The following NEXMIF variants were observed in gnomAD, a reference collection of about 807,000 sequenced individuals.
NEXMIF encodes the protein neurite extension and migration factor, also known as XLMR protein related to neurite extension.
Under a neutral mutation model 62.1 loss-of-function variants are expected in NEXMIF, and 8 were observed. The ratio of observed to expected loss-of-function variants is 0.13; its 90% CI spans 0.08 to 0.23. The LOEUF (loss-of-function observed/expected upper bound fraction) is 0.23, where lower values mean the gene tolerates loss of function less well. Ranked by LOEUF, NEXMIF falls within the 10% of genes least tolerant of loss-of-function variation. The probability of loss-of-function intolerance (pLI) is 1.00; values close to 1 mark genes in which losing one functional copy is unlikely to be tolerated. For missense variants in NEXMIF, 976 were observed against 1,113.3 expected (o/e 0.88, Z 1.75); for synonymous variants, 404 against 416.6 (o/e 0.97, Z 0.37).
intron 1 of NEXMIF, among the ~76,000 whole-genome samples, chrX:74,875,397 G>C (rs1005853410): frequency 5.4e-5 from 6 of 111,712 alleles, no homozygotes; most frequent in African/African-American, 1.9e-4. Flanking sequence ...TTGGTTTGCT[G>C]GTATTTTATT....
intron 1 of NEXMIF, among the ~76,000 whole-genome samples, chrX:74,879,142 T>C: frequency 8.9e-6 from 1 of 112,552 alleles, no homozygotes; most frequent in East Asian, 2.8e-4. Flanking sequence ...CTATACCACA[T>C]AGCCTAAGTG....
intron 1 of NEXMIF, among the ~76,000 whole-genome samples, chrX:74,833,828 T>G (rs1001819910): frequency 4.5e-5 from 5 of 111,371 alleles, no homozygotes; most frequent in African/African-American, 1.6e-4. Flanking sequence ...TAACACTGAT[T>G]ACGTAAACAA....
At chrX:74,850,650 T>C (rs2080509741) in intron 1 of NEXMIF, among the ~76,000 whole-genome samples, 1 of 111,179 alleles carries the variant, frequency 9.0e-6, no homozygotes, top group Admixed American at 9.6e-5. Context: ...GAATACACTA[T>C]TGCACGTACC....
At chrX:74,891,652 A>G (rs2080718198) in intron 1 of NEXMIF, among the ~76,000 whole-genome samples, 1 of 111,855 alleles carries the variant, frequency 8.9e-6, no homozygotes, top group Non-Finnish European at 1.9e-5. Context: ...TTTAACTTAA[A>G]TTAGGGGGTG....
At chrX:74,920,471 T>G in intron 1 of NEXMIF, among the ~76,000 whole-genome samples, 1 of 110,861 alleles carries the variant, frequency 9.0e-6, no homozygotes, top group South Asian at 3.9e-4. Context: ...TTTGATGGGG[T>G]TGTTTGTTTT....
At chrX:74,906,039 G>A (rs956771168) in intron 1 of NEXMIF, among the ~76,000 whole-genome samples, 12 of 110,541 alleles carry the variant, frequency 1.1e-4, no homozygotes, top group African/African-American at 2.3e-4. Context: ...GGAGGCTGAC[G>A]TGGAAGGATT....
chrX:74,822,498 A>T, intron 1 of NEXMIF, among the ~76,000 whole-genome samples: 1 of 112,459 alleles, frequency 8.9e-6, no homozygotes, highest in Admixed American at 9.4e-5. Flanking sequence ...ATATCTGATA[A>T]GGAACATGTA....
intron 1 of NEXMIF, among the ~76,000 whole-genome samples, chrX:74,880,085 T>A (rs997050085): frequency 8.9e-6 from 1 of 112,293 alleles, no homozygotes; most frequent in Non-Finnish European, 1.9e-5. Context: ...GGCTCAACCA[T>A]ACCTCCTGAC....
At chrX:74,882,925 C>A (rs2080672299) in intron 1 of NEXMIF, among the ~76,000 whole-genome samples, 1 of 111,254 alleles carries the variant, frequency 9.0e-6, no homozygotes, top group South Asian at 3.8e-4. Context: ...CCTCACACAA[C>A]TGGGTACTCC....
At position 74,744,381 on chromosome X, in the gene NEXMIF, A is replaced by C; in HGVS notation, c.176T>G (p.Met59Arg). 2 of 1,209,587 alleles carry C rather than the reference A, an allele frequency of 1.7e-6. No homozygotes were observed. The highest frequency in any genetic ancestry group is 1.8e-5 in the South Asian group (1 of 56,834). The change falls in exon 3 of 4, where the codon ATG (methionine) becomes AGG (arginine). Residue 59 changes from methionine to arginine, a missense_variant. By Grantham distance (91) the Met-to-Arg change is moderately conservative (BLOSUM62 -1). Coordinates refer to ENST00000055682, the MANE Select transcript of NEXMIF (RefSeq NM_001008537.3). Reference sequence around the variant, plus strand: ...TAGAGGCAGGAGACCTCTGGGATACATCAGGGTCTCTTTTTGTGCCACCGG... The same window carrying C: ...TAGAGGCAGGAGACCTCTGGGATACCTCAGGGTCTCTTTTTGTGCCACCGG... ...PTPVAQKETL[M>R]YPRGLLPLPS...
At chrX:74,867,465 C>A (rs1476414142) in intron 1 of NEXMIF, among the ~76,000 whole-genome samples, 1 of 111,567 alleles carries the variant, frequency 9.0e-6, no homozygotes, top group Non-Finnish European at 1.9e-5. Context: ...GAATAGAGAT[C>A]TCAGAAATAA....
intron 1 of NEXMIF, among the ~76,000 whole-genome samples, chrX:74,869,275 C>T (rs1299554676): frequency 9.0e-6 from 1 of 111,231 alleles, no homozygotes; most frequent in African/African-American, 3.3e-5. Context: ...TTCAACATAC[C>T]TTCATGATAA....
intron 1 of NEXMIF, among the ~76,000 whole-genome samples, chrX:74,856,024 C>T (rs189804645): frequency 1.6e-3 from 178 of 111,896 alleles, no homozygotes; most frequent in Middle Eastern, 0.014. Flanking sequence ...CATTATGAAA[C>T]ATGCAAAAAA....
chrX:74,883,468 A>C (rs1478758638), intron 1 of NEXMIF, among the ~76,000 whole-genome samples: 1 of 112,277 alleles, frequency 8.9e-6, no homozygotes, highest in East Asian at 2.8e-4. Flanking sequence ...GATGGAGATG[A>C]AAACCATGGC....
chrX:74,825,276 A>C (rs1160968549), intron 1 of NEXMIF, among the ~76,000 whole-genome samples: 6 of 111,382 alleles, frequency 5.4e-5, no homozygotes. Flanking sequence ...GTGCAGGTTT[A>C]TTAAATAGGT....
At chrX:74,803,165 G>A (rs1474917059) in intron 1 of NEXMIF, among the ~76,000 whole-genome samples, 2 of 111,813 alleles carry the variant, frequency 1.8e-5, no homozygotes, top group East Asian at 2.8e-4. Flanking sequence ...GGAAAATAAC[G>A]AGAACTCCCC....
At position 74,802,720 on chromosome X, in the gene NEXMIF, A is replaced by G. The variant is rs751509995; in HGVS notation, c.-47-57023T>C. On this transcript the variant is annotated intron_variant, in intron 1 of 3. Transcript: ENST00000055682. ...CCACACCAAATGAACTAAATAAGGC[A>G]CCGGGGACCAATGCTGGAGCAACAG... 2.7e-5 allele frequency among the ~76,000 whole-genome samples: 3 copies of G among 111,113 alleles called. No homozygotes were observed. In the East Asian group the frequency reaches 8.5e-4, roughly 31 times the overall value.
intron 1 of NEXMIF, among the ~76,000 whole-genome samples, chrX:74,820,314 A>G (rs951460467): frequency 3.7e-5 from 4 of 109,561 alleles, no homozygotes; most frequent in Non-Finnish European, 7.6e-5. Flanking sequence ...GTGCACATGT[A>G]CCCTAGAACT....
chrX:74,902,352 G>GTA (rs929608161), intron 1 of NEXMIF, among the ~76,000 whole-genome samples: 2 of 108,917 alleles, frequency 1.8e-5, no homozygotes, highest in African/African-American at 6.7e-5. Context: ...TTATGTGTGT[G>GTA]TATATATATA....
Sources: gnomAD v4.1 joint callset for allele counts (sites outside exome capture counted in the v4.1 genomes callset) on GRCh38, gnomAD v4.1.1 for gene constraint, MANE v1.5 for transcripts, NCBI Gene and HGNC (gene_info 2026-07-23, HGNC 2026-07-21) for gene names.